The following RNF220 variants were observed in gnomAD, a reference collection of about 807,000 sequenced individuals.
RNF220 encodes ring finger protein 220.
Under a neutral mutation model 67.1 loss-of-function variants are expected in RNF220, and 7 were observed. That is an observed-to-expected ratio of 0.10 (90% CI 0.06 to 0.20). The LOEUF (loss-of-function observed/expected upper bound fraction) is 0.20. RNF220 is among the 10% of genes least tolerant of loss of function. RNF220 has a pLI of 1.00. For missense variants in RNF220, 565 were observed against 740.3 expected, an observed-to-expected ratio of 0.76 and a Z score of 2.75; for synonymous variants, 270 against 283.2, an observed-to-expected ratio of 0.95 and a Z score of 0.47.
chr1:44,610,344 C>G (rs1216515129), intron 2 of RNF220, among the ~76,000 whole-genome samples: 1 of 152,208 alleles, frequency 6.6e-6, no homozygotes, highest in South Asian at 2.1e-4. Flanking sequence ...CGCCCGCACC[C>G]GCCATCCTCT....
At chr1:44,541,447 A>G (rs1291163767) in intron 2 of RNF220, among the ~76,000 whole-genome samples, 1 of 152,178 alleles carries the variant, frequency 6.6e-6, no homozygotes, top group East Asian at 1.9e-4. Context: ...AAAAGAAAAA[A>G]CAAAGTCACA....
At chr1:44,535,066 T>C (rs1007545869) in intron 2 of RNF220, among the ~76,000 whole-genome samples, 2 of 149,984 alleles carry the variant, frequency 1.3e-5, no homozygotes, top group African/African-American at 4.9e-5. Flanking sequence ...GGGTAGGGGC[T>C]GGGAACTGGG....
In RNF220 at chr1:44,415,208, A is replaced by G. The variant is rs573930019; in HGVS notation, c.625+2486A>G. Reference sequence around the variant, plus strand: ...TATGCCGACGTGTGTCGGAATATTTATGGTCTGTTTTATGTAAATACATAT... The same window carrying G: ...TATGCCGACGTGTGTCGGAATATTTGTGGTCTGTTTTATGTAAATACATAT... On this transcript the variant is annotated intron_variant, in intron 2 of 14. Coordinates refer to ENST00000361799, the MANE Select transcript of RNF220 (RefSeq NM_018150.4). Among the ~76,000 whole-genome samples, 8 of 151,850 alleles carry G rather than the reference A, an allele frequency of 5.3e-5. No homozygotes were observed. The East Asian group carries it at 1.5e-3, about 29-fold the overall frequency.
intron 6 of RNF220, among the ~76,000 whole-genome samples, chr1:44,633,116 C>T (rs536276724): frequency 6.6e-6 from 1 of 152,262 alleles, no homozygotes; most frequent in Non-Finnish European, 1.5e-5. Flanking sequence ...TGAGAGAGGC[C>T]ATGGAGTTCA....
chr1:44,432,673 C>T (rs1160207209), intron 2 of RNF220, among the ~76,000 whole-genome samples: 2 of 152,128 alleles, frequency 1.3e-5, no homozygotes, highest in Non-Finnish European at 2.9e-5. Context: ...AACCCCTGGG[C>T]TCAAGTGATC....
intron 2 of RNF220, among the ~76,000 whole-genome samples, chr1:44,609,299 G>A (rs941637995): frequency 2.6e-5 from 4 of 152,042 alleles, no homozygotes; most frequent in African/African-American, 4.8e-5. Context: ...GACACCAGTC[G>A]ATCAAGCCAT....
At chr1:44,468,109 G>A (rs1040726697) in intron 2 of RNF220, among the ~76,000 whole-genome samples, 2 of 125,216 alleles carry the variant, frequency 1.6e-5, no homozygotes, top group Admixed American at 7.9e-5. Flanking sequence ...AAAATGTGAC[G>A]CAGACACAAA....
chr1:44,476,533 TAGG>T (rs1375384070), intron 2 of RNF220, among the ~76,000 whole-genome samples: 1 of 152,208 alleles, frequency 6.6e-6, no homozygotes, highest in Non-Finnish European at 1.5e-5. Context: ...ACCCTGTCCT[TAGG>T]AGAAGATCTC....
chr1:44,486,204 A>AAGAG (rs2308281), intron 2 of RNF220, among the ~76,000 whole-genome samples: 134,837 of 151,986 alleles, frequency 0.89, 61,723 homozygotes, highest in East Asian at 1. Flanking sequence ...AATGTTCAGA[A>AAGAG]AGAGCATTCG....
intron 2 of RNF220, among the ~76,000 whole-genome samples, chr1:44,445,507 C>T (rs1351145996): frequency 6.6e-6 from 1 of 152,134 alleles, no homozygotes; most frequent in Admixed American, 6.5e-5. Flanking sequence ...TAGATCCTCT[C>T]AACTCCCTCC....
At chr1:44,409,902 A>G (rs1158356133) in intron 1 of RNF220, among the ~76,000 whole-genome samples, 4 of 152,128 alleles carry the variant, frequency 2.6e-5, no homozygotes, top group Non-Finnish European at 5.9e-5. Flanking sequence ...GAAAAAAAAG[A>G]AAAAAAGCAC....
At chr1:44,482,047 G>A (rs984775371) in intron 2 of RNF220, among the ~76,000 whole-genome samples, 1 of 152,214 alleles carries the variant, frequency 6.6e-6, no homozygotes, top group Non-Finnish European at 1.5e-5. Flanking sequence ...TGCACCAGAA[G>A]TTCTGCATGC....
chr1:44,640,820 C>T (rs1164802971), intron 8 of RNF220, among the ~76,000 whole-genome samples: 2 of 152,184 alleles, frequency 1.3e-5, no homozygotes, highest in African/African-American at 2.4e-5. Flanking sequence ...GTGTAAAACT[C>T]GCCGGAAGCT....
intron 2 of RNF220, among the ~76,000 whole-genome samples, chr1:44,543,517 T>A (rs1230885876): frequency 6.6e-6 from 1 of 151,522 alleles, no homozygotes; most frequent in African/African-American, 2.4e-5. Context: ...TGGGGACTGA[T>A]CCTTACAGCA....
chr1:44,615,574 C>T (rs1450414941), intron 3 of RNF220, among the ~76,000 whole-genome samples: 2 of 152,128 alleles, frequency 1.3e-5, no homozygotes, highest in Non-Finnish European at 2.9e-5. Flanking sequence ...TGCAGGGGAT[C>T]CCATAGTGAA....
intron 2 of RNF220, among the ~76,000 whole-genome samples, chr1:44,595,715 T>C (rs1460023282): frequency 6.6e-6 from 1 of 152,158 alleles, no homozygotes; most frequent in Non-Finnish European, 1.5e-5. Flanking sequence ...AGATGCCCTG[T>C]GAGGAACAGA....
At chr1:44,524,752 C>T (rs1407320097) in intron 2 of RNF220, among the ~76,000 whole-genome samples, 1 of 152,106 alleles carries the variant, frequency 6.6e-6, no homozygotes, top group African/African-American at 2.4e-5. Flanking sequence ...CATTTGAGAC[C>T]GCTAATCGCA....
chr1:44,469,756 T>C (rs1654633948), intron 2 of RNF220, among the ~76,000 whole-genome samples: 1 of 152,130 alleles, frequency 6.6e-6, no homozygotes, highest in African/African-American at 2.4e-5. Flanking sequence ...AAAGTTGAAC[T>C]GATTAGGATG....
At chr1:44,540,709 G>A (rs1161558240) in intron 2 of RNF220, among the ~76,000 whole-genome samples, 1 of 151,916 alleles carries the variant, frequency 6.6e-6, no homozygotes, top group Non-Finnish European at 1.5e-5. Flanking sequence ...TGTCCTGGGT[G>A]AACCAAAATG....
Sources: gnomAD v4.1 joint callset for allele counts (sites outside exome capture counted in the v4.1 genomes callset) on GRCh38, gnomAD v4.1.1 for gene constraint, MANE v1.5 for transcripts, NCBI Gene and HGNC (gene_info 2026-07-23, HGNC 2026-07-21) for gene names.